Variants in PREX1 observed in about 807,000 individuals in gnomAD.
PREX1 encodes the protein phosphatidylinositol 3,4,5-trisphosphate-dependent Rac exchanger 1 protein.
In PREX1, 41 loss-of-function variants were observed where a neutral mutation model predicts 198.3. That is an observed-to-expected ratio of 0.21 (90% CI 0.16 to 0.27). PREX1 has a LOEUF of 0.27. Among genes scored for constraint, PREX1 ranks in the 10% least tolerant of loss-of-function variants. The probability of loss-of-function intolerance (pLI) is 1.00; values close to 1 mark genes in which losing one functional copy is unlikely to be tolerated. For synonymous variants in PREX1, 843 were observed against 887.2 expected (o/e 0.95, Z 0.89); for missense variants, 1,620 against 2,200.7 (o/e 0.74, Z 5.28).
At chr20:48,635,471 C>T (rs889126988) in intron 32 of PREX1, among the ~76,000 whole-genome samples, 3 of 152,214 alleles carry the variant, frequency 2.0e-5, no homozygotes, top group Admixed American at 2.0e-4. Flanking sequence ...AAGTCTCAGG[C>T]CCTACAGAAC....
At chr20:48,784,666 GC>G (rs1419281301) in intron 1 of PREX1, among the ~76,000 whole-genome samples, 1 of 152,148 alleles carries the variant, frequency 6.6e-6, no homozygotes, top group Non-Finnish European at 1.5e-5. Flanking sequence ...AAGCCGACCT[GC>G]CCACAGGAAC....
intron 6 of PREX1, among the ~76,000 whole-genome samples, chr20:48,701,087 G>A (rs116112744): frequency 1.1e-3 from 165 of 152,328 alleles, no homozygotes; most frequent in African/African-American, 3.9e-3. Context: ...AGGGCACACT[G>A]ATATGACCGC....
chr20:48,676,711 T>G (rs1421237204), intron 13 of PREX1, among the ~76,000 whole-genome samples: 1 of 152,232 alleles, frequency 6.6e-6, no homozygotes, highest in Non-Finnish European at 1.5e-5. Flanking sequence ...AGACTCATCC[T>G]GGCTACGATG....
At position 48,756,469 on chromosome 20, in the gene PREX1, C is replaced by CTT. The variant is rs11383728; in HGVS notation, c.220-8591_220-8590dup. Among the ~76,000 whole-genome samples the CTT allele has an allele frequency of 8.4e-4, 125 of 148,638 alleles. 1 individual carries two copies. Among genetic ancestry groups the CTT allele is most frequent in the African/African-American group, 1.8e-3 (72 of 40,376 alleles). On this transcript the variant is annotated intron_variant, in intron 1 of 39. Coordinates refer to ENST00000371941, the MANE Select transcript of PREX1 (RefSeq NM_020820.4). ...CTCTGAGAGGACTGGGAAGAGATAG[C>CTT]TTTTTTTTTTTTACAAAGTCAGACT...
At chr20:48,703,906 G>C (rs2089888666) in intron 6 of PREX1, among the ~76,000 whole-genome samples, 2 of 152,232 alleles carry the variant, frequency 1.3e-5, no homozygotes, top group African/African-American at 2.4e-5. Context: ...GGTGGTGCTA[G>C]GGGTTGGATG....
chr20:48,721,048 C>CAA (rs2089982930), intron 5 of PREX1, among the ~76,000 whole-genome samples: 1 of 152,224 alleles, frequency 6.6e-6, no homozygotes. Context: ...CAGTGTTTAA[C>CAA]AAGTTCTGAA....
intron 1 of PREX1, among the ~76,000 whole-genome samples, chr20:48,756,661 A>T (rs1052093051): frequency 6.6e-6 from 1 of 152,214 alleles, no homozygotes; most frequent in Non-Finnish European, 1.5e-5. Context: ...CCTCCTGGGA[A>T]TATACCAAGG....
chr20:48,653,803 T>C (rs2089521072), intron 19 of PREX1, among the ~76,000 whole-genome samples: 1 of 152,234 alleles, frequency 6.6e-6, no homozygotes, highest in Non-Finnish European at 1.5e-5. Context: ...TGCAGCCGCC[T>C]TGTGCTACTG....
intron 1 of PREX1, among the ~76,000 whole-genome samples, chr20:48,824,833 A>G (rs1237847664): frequency 1.3e-5 from 2 of 151,864 alleles, no homozygotes; most frequent in Non-Finnish European, 2.9e-5. Flanking sequence ...GAAGCCACAC[A>G]TGGCCCCTAT....
In PREX1 at chr20:48,632,407, T is replaced by C. The variant is rs2089321875; in HGVS notation, c.4412-16A>G. 2 of 1,613,462 alleles carry C rather than the reference T, an allele frequency of 1.2e-6. No individual in the cohort carries two copies. Among genetic ancestry groups the C allele is most frequent in the Non-Finnish European group, 1.7e-6 (2 of 1,179,870 alleles). ...TTCTCCAGCACTGGGAGGGGAGATG[T>C]CGGGGGCGGGCAGGCGGTTGGGAGC... On this transcript the variant is annotated splice_polypyrimidine_tract_variant and intron_variant, in intron 34 of 39. Coordinates refer to ENST00000371941, the MANE Select transcript of PREX1 (RefSeq NM_020820.4).
chr20:48,826,446 G>C (rs1208377236), intron 1 of PREX1, among the ~76,000 whole-genome samples: 1 of 152,072 alleles, frequency 6.6e-6, no homozygotes, highest in African/African-American at 2.4e-5. Context: ...CATAGAATAG[G>C]GGTTTAGAAC....
chr20:48,865,665 A>G, the PREX1 span, among the ~76,000 whole-genome samples: 1 of 152,326 alleles, frequency 6.6e-6, no homozygotes, highest in East Asian at 1.9e-4. Flanking sequence ...TGTGCAATGA[A>G]GATCGAAGTT....
intron 1 of PREX1, among the ~76,000 whole-genome samples, chr20:48,763,133 A>T (rs1229463155): frequency 6.6e-6 from 1 of 152,274 alleles, no homozygotes; most frequent in Non-Finnish European, 1.5e-5. Context: ...CGTGAATTAT[A>T]TCTCACACTA....
chr20:48,774,944 A>G (rs3091540), intron 1 of PREX1, among the ~76,000 whole-genome samples: 11,125 of 152,318 alleles, frequency 0.073, 514 homozygotes, highest in South Asian at 0.19. Flanking sequence ...ATGGCTCTGC[A>G]GGGTGGCAGG....
Position 48,792,853 on chromosome 20 carries a change from C to CACACACACACACAT in PREX1, c.219+34788_219+34789insATGTGTGTGTGTGT, listed in dbSNP as rs1256864071. ...ACACACACACACACACACACACACA[C>CACACACACACACAT]ATAGTATGATTCCATTTATATCCAT... On this transcript the variant is annotated intron_variant, in intron 1 of 39. Coordinates refer to ENST00000371941, the MANE Select transcript of PREX1 (RefSeq NM_020820.4). Among the ~76,000 whole-genome samples the CACACACACACACAT allele has an allele frequency of 7.2e-3, 1,042 of 145,302 alleles. 18 individuals are homozygous for CACACACACACACAT. The highest frequency in any genetic ancestry group is 0.022 in the African/African-American group (821 of 38,056).
At chr20:48,738,249 T>C (rs369536242) in intron 3 of PREX1, among the ~76,000 whole-genome samples, 1 of 152,088 alleles carries the variant, frequency 6.6e-6, no homozygotes, top group South Asian at 2.1e-4. Flanking sequence ...AATGCTGTGA[T>C]TGATTAGGAA....
chr20:48,705,685 C>T (rs1054723275), intron 6 of PREX1, among the ~76,000 whole-genome samples: 2 of 152,166 alleles, frequency 1.3e-5, no homozygotes, highest in East Asian at 1.9e-4. Flanking sequence ...CTAGCTAGAA[C>T]GTATTATTTT....
chr20:48,801,997 A>G (rs2090389325), intron 1 of PREX1, among the ~76,000 whole-genome samples: 1 of 152,150 alleles, frequency 6.6e-6, no homozygotes, highest in Non-Finnish European at 1.5e-5. Context: ...GGTCTTCATC[A>G]GACACCATGG....
At chr20:48,810,089 G>A (rs928074879) in intron 1 of PREX1, among the ~76,000 whole-genome samples, 1 of 152,178 alleles carries the variant, frequency 6.6e-6, no homozygotes, top group Non-Finnish European at 1.5e-5. Flanking sequence ...CTTAGTAAAA[G>A]CAATGACTAT....
Sources: allele counts gnomAD v4.1 joint callset (sites outside exome capture counted in the v4.1 genomes callset), GRCh38; gene constraint gnomAD v4.1.1; transcripts MANE v1.5; gene names NCBI Gene and HGNC (gene_info 2026-07-23, HGNC 2026-07-21).